Variants in RAB7A observed in about 807,000 individuals in gnomAD.
RAB7A encodes the protein ras-related protein Rab-7a.
Under a neutral mutation model 24.5 loss-of-function variants are expected in RAB7A, and 2 were observed. The ratio of observed to expected loss-of-function variants is 0.08; its 90% CI spans 0.03 to 0.26. The LOEUF is 0.26. RAB7A is among the 10% of genes least tolerant of loss of function. The pLI is 1.00. For missense variants in RAB7A, 118 were observed against 255.7 expected (o/e 0.46, Z 3.67); for synonymous variants, 100 against 95.9 (o/e 1.04, Z -0.25).
chr3:128,804,391 G>T (rs946694150), intron 3 of RAB7A, among the ~76,000 whole-genome samples: 1 of 152,190 alleles, frequency 6.6e-6, no homozygotes, highest in African/African-American at 2.4e-5. Flanking sequence ...TGCAGTGCTA[G>T]CTCACTATGC....
chr3:128,799,285 T>C (rs1209565980), intron 3 of RAB7A: 2 of 151,928 alleles, frequency 1.3e-5, no homozygotes, highest in Admixed American at 1.3e-4. Flanking sequence ...TTCCGAATCA[T>C]GTGCTGCTCT....
intron 1 of RAB7A, among the ~76,000 whole-genome samples, chr3:128,772,736 C>T (rs1344993049): frequency 6.6e-6 from 1 of 152,252 alleles, no homozygotes. Context: ...GCAGAAGGCG[C>T]GGGCCGCCAC....
intron 1 of RAB7A, among the ~76,000 whole-genome samples, chr3:128,748,300 T>TAAGG (rs1424551943): frequency 6.6e-6 from 1 of 152,180 alleles, no homozygotes; most frequent in Non-Finnish European, 1.5e-5. Flanking sequence ...TCAGGTCGAG[T>TAAGG]AAGGGACTGG....
chr3:128,761,481 G>A (rs936906827), intron 1 of RAB7A, among the ~76,000 whole-genome samples: 1 of 152,128 alleles, frequency 6.6e-6, no homozygotes, highest in East Asian at 1.9e-4. Flanking sequence ...CTTGAGGTAG[G>A]GAGACTATCT....
chr3:128,801,241 A>G (rs1933692661), intron 3 of RAB7A, among the ~76,000 whole-genome samples: 1 of 152,244 alleles, frequency 6.6e-6, no homozygotes, highest in Admixed American at 6.5e-5. Flanking sequence ...GCGGTGGCTC[A>G]TGCCTGTAAT....
intron 1 of RAB7A, among the ~76,000 whole-genome samples, chr3:128,791,062 T>C (rs1933442765): frequency 6.6e-6 from 1 of 152,228 alleles, no homozygotes; most frequent in Non-Finnish European, 1.5e-5. Context: ...TGCTAACCAC[T>C]GTAATAGTGA....
At chr3:128,792,367 A>G (rs148877885) in intron 1 of RAB7A, among the ~76,000 whole-genome samples, 1 of 152,110 alleles carries the variant, frequency 6.6e-6, no homozygotes, top group South Asian at 2.1e-4. Flanking sequence ...ATATTCTCCA[A>G]ATATCTTTGC....
chr3:128,764,531 C>T (rs1260181309), intron 1 of RAB7A: 6 of 958,498 alleles, frequency 6.3e-6, no homozygotes, highest in Admixed American at 3.4e-5. Context: ...AAGCCAGATT[C>T]GGGGGCTCCC....
At chr3:128,791,774 A>G (rs1202894770) in intron 1 of RAB7A, among the ~76,000 whole-genome samples, 1 of 152,160 alleles carries the variant, frequency 6.6e-6, no homozygotes, top group African/African-American at 2.4e-5. Flanking sequence ...CACCCCCAGG[A>G]TTGAGCATTC....
At chr3:128,812,227 G>A (rs1576306274) in intron 5 of RAB7A, among the ~76,000 whole-genome samples, 1 of 152,286 alleles carries the variant, frequency 6.6e-6, no homozygotes, top group South Asian at 2.1e-4. Context: ...CAATTCTCCT[G>A]CCTCAGCCTC....
intron 2 of RAB7A, among the ~76,000 whole-genome samples, 190 bp from the exon 3 acceptor site, chr3:128,797,753 T>C (rs1467393951): frequency 1.3e-5 from 2 of 152,236 alleles, no homozygotes; most frequent in African/African-American, 4.8e-5. Flanking sequence ...GTACCCTATA[T>C]TTTTACCCAG....
At chr3:128,813,281 G>A (rs899112502) in intron 5 of RAB7A, 46 bp from the exon 6 acceptor site, 15 of 1,563,734 alleles carry the variant, frequency 9.6e-6, no homozygotes, top group African/African-American at 1.4e-5. Context: ...GGGCTGAAAT[G>A]TTTCTATTCC....
intron 1 of RAB7A, among the ~76,000 whole-genome samples, chr3:128,766,469 T>A (rs2070832595): frequency 6.6e-6 from 1 of 152,218 alleles, no homozygotes; most frequent in South Asian, 2.1e-4. Context: ...GGTTCTTTTC[T>A]GGGATCATGA....
chr3:128,768,662 G>GA (rs1354707723), intron 1 of RAB7A, among the ~76,000 whole-genome samples: 1 of 151,720 alleles, frequency 6.6e-6, no homozygotes, highest in Non-Finnish European at 1.5e-5. Context: ...AGGCTCAGGT[G>GA]ATCCTTCCAC....
At position 128,765,848 on chromosome 3, in the gene RAB7A, G is replaced by A. The variant is rs183143815; in HGVS notation, c.-8-29512G>A. Among the ~76,000 whole-genome samples the A allele has an allele frequency of 4.6e-3, 683 of 147,992 alleles. 3 individuals are homozygous for A. Among genetic ancestry groups the A allele is most frequent in the South Asian group, 0.019 (91 of 4,716 alleles). ...TCAGTCTCGGCTCACTGCAACCTCC[G>A]CCTCCCAGGTTCAAGTGATTTTCCT... On this transcript the variant is annotated intron_variant, in intron 1 of 5. Coordinates refer to ENST00000265062, the MANE Select transcript of RAB7A (RefSeq NM_004637.6).
intron 1 of RAB7A, among the ~76,000 whole-genome samples, chr3:128,756,819 G>A (rs73198819): frequency 0.041 from 6,286 of 151,920 alleles, 179 homozygotes; most frequent in Non-Finnish European, 0.058. Flanking sequence ...GGACTGTTGG[G>A]GTTTTTCACC....
rs375896066 is a variant in RAB7A at position 128,752,540 on chromosome 3, T to G, written c.-9+26181T>G. 1.1e-4 allele frequency among the ~76,000 whole-genome samples: 16 copies of G among 152,100 alleles called. 1 individual carries two copies. The highest frequency in any genetic ancestry group is 3.3e-4 in the Admixed American group (5 of 15,294). ...ACATGAGGAAACAACATAATTGTGG[T>G]CTCTGTTTGTCAGGTCACCAAAAAT... On this transcript the variant is annotated intron_variant, in intron 1 of 5. Coordinates refer to ENST00000265062, the MANE Select transcript of RAB7A (RefSeq NM_004637.6).
At chr3:128,750,474 C>G (rs927978795) in intron 1 of RAB7A, among the ~76,000 whole-genome samples, 1 of 152,078 alleles carries the variant, frequency 6.6e-6, no homozygotes, top group Non-Finnish European at 1.5e-5. Context: ...GTTGGCCAGG[C>G]TGGTCTCGAA....
intron 3 of RAB7A, among the ~76,000 whole-genome samples, chr3:128,803,418 A>G (rs1933738461): frequency 6.6e-6 from 1 of 152,210 alleles, no homozygotes; most frequent in South Asian, 2.1e-4. Context: ...GGTGGATGCT[A>G]GAATATAGGG....
Sources: allele counts gnomAD v4.1 joint callset (sites outside exome capture counted in the v4.1 genomes callset), GRCh38; gene constraint gnomAD v4.1.1; transcripts MANE v1.5; gene names NCBI Gene and HGNC (gene_info 2026-07-23, HGNC 2026-07-21).